The following NSUN4 variants were observed in gnomAD, a reference collection of about 807,000 sequenced individuals.
NSUN4 encodes 5-cytosine rRNA methyltransferase NSUN4.
Under a neutral mutation model 43.8 loss-of-function variants are expected in NSUN4, and 31 were observed. The ratio of observed to expected loss-of-function variants is 0.71; its 90% confidence interval spans 0.53 to 0.96. NSUN4 has a LOEUF of 0.96. Among genes scored for constraint, NSUN4 ranks in the 40% least tolerant of loss-of-function variants. The pLI is 0.00. For missense variants in NSUN4, 439 were observed against 475.6 expected, an observed-to-expected ratio of 0.92 and a Z score of 0.72; for synonymous variants, 167 against 184.1, an observed-to-expected ratio of 0.91 and a Z score of 0.75.
the NSUN4 span, among the ~76,000 whole-genome samples, chr1:46,378,594 C>T: frequency 4.6e-5 from 7 of 152,312 alleles, no homozygotes; most frequent in East Asian, 1.9e-4. Context: ...TGTAAGGCCT[C>T]GGTTACTTAT....
rs1379109815 is a variant in NSUN4, at chr1:46,355,746, G to A, written c.753+2718G>A. 2.0e-5 allele frequency among the ~76,000 whole-genome samples: 3 copies of A among 152,162 alleles called. No individual in the cohort carries two copies. In the East Asian group the frequency reaches 5.8e-4, roughly 29 times the overall value. On this transcript the variant is annotated intron_variant, in intron 4 of 5. Transcript: ENST00000474844. ...AAAACTAGTTGTGGCCGGGCACGGT[G>A]GCTAACGACTGTAATCCCAGCACTT...
Position 46,361,845 on chromosome 1 carries a change from A to G in NSUN4, c.1154A>G (p.Ter385TrpextTer70), listed in dbSNP as rs1012348234. The change falls in exon 6 of 6, where the codon TAG becomes TGG. Residue 385 changes from the stop codon to tryptophan, a stop_lost. Coordinates refer to ENST00000474844, the MANE Select transcript of NSUN4 (RefSeq NM_199044.4). ...TTCTGCAAAATGCGTAGGCTGACAT[A>G]GTATCACCCAATCCCTGAAGCAAGA... ...MYFCKMRRLT[*>W] The G allele has an allele frequency of 1.2e-6, 2 of 1,613,068 alleles. No homozygotes were observed. Among genetic ancestry groups the G allele is most frequent in the African/African-American group, 2.7e-5 (2 of 74,912 alleles).
intron 3 of NSUN4, among the ~76,000 whole-genome samples, chr1:46,351,136 C>T (rs1662946958): frequency 6.6e-6 from 1 of 151,224 alleles, no homozygotes; most frequent in Non-Finnish European, 1.5e-5. Flanking sequence ...GAGGCCGACG[C>T]AGGCAGATCA....
At chr1:46,371,357 G>A in the NSUN4 span, among the ~76,000 whole-genome samples, 2 of 144,406 alleles carry the variant, frequency 1.4e-5, no homozygotes, top group East Asian at 4.0e-4. Flanking sequence ...CCAAGCTGGA[G>A]TGCAGTGGTG....
intron 2 of NSUN4, 80 bp from the exon 3 acceptor site, chr1:46,346,841 G>T: frequency 8.5e-7 from 1 of 1,169,916 alleles, no homozygotes; most frequent in Non-Finnish European, 1.2e-6. Context: ...AAGCCCCAGA[G>T]GGCATAGACT....
chr1:46,360,628 G>T (rs1229885840), intron 4 of NSUN4, 76 bp from the exon 5 acceptor site: 18 of 1,502,972 alleles, frequency 1.2e-5, no homozygotes, highest in Non-Finnish European at 1.6e-5. Context: ...TAGGCCAGGG[G>T]CCTAAAACAT....
chr1:46,370,404 A>C, the NSUN4 span, among the ~76,000 whole-genome samples: 3 of 152,334 alleles, frequency 2.0e-5, no homozygotes, highest in East Asian at 5.8e-4. Context: ...GGGTATGATA[A>C]GCCTTAGGAC....
chr1:46,370,071 C>T (rs2148431551), downstream of NSUN4, among the ~76,000 whole-genome samples: 1 of 152,268 alleles, frequency 6.6e-6, no homozygotes. Context: ...TTTGAGGTGA[C>T]ACTTTAGGAG....
chr1:46,350,431 A>G (rs1326088115), intron 3 of NSUN4, among the ~76,000 whole-genome samples: 2 of 152,334 alleles, frequency 1.3e-5, no homozygotes, highest in East Asian at 1.9e-4. Flanking sequence ...AGTGACCACT[A>G]TTAGATAAGG....
the NSUN4 span, among the ~76,000 whole-genome samples, chr1:46,378,008 A>G: frequency 6.6e-6 from 1 of 152,202 alleles, no homozygotes; most frequent in Non-Finnish European, 1.5e-5. Context: ...TTTAATAACA[A>G]TTCTACAGTC....
chr1:46,376,181 G>A, the NSUN4 span, among the ~76,000 whole-genome samples: 1 of 151,632 alleles, frequency 6.6e-6, no homozygotes, highest in East Asian at 1.9e-4. Flanking sequence ...GCCGAGGTGG[G>A]TGGACCACCT....
chr1:46,360,249 A>AAAAATATAT (rs1553177947), intron 4 of NSUN4, among the ~76,000 whole-genome samples: 1 of 25,738 alleles, frequency 3.9e-5, no homozygotes, highest in African/African-American at 1.3e-4. Flanking sequence ...AAAAAAAAAA[A>AAAAATATAT]ATATATATAT....
At chr1:46,366,704 C>CAAAAAAAAAAAA (rs34437222), downstream of NSUN4, among the ~76,000 whole-genome samples, 78 of 59,144 alleles carry the variant, frequency 1.3e-3, no homozygotes, top group Admixed American at 3.0e-3. Flanking sequence ...ACTAAAAATA[C>CAAAAAAAAAAAA]AAAAAAAAAA....
downstream of NSUN4, among the ~76,000 whole-genome samples, chr1:46,366,704 C>CAAAA (rs34437222): frequency 4.5e-4 from 27 of 59,406 alleles, no homozygotes; most frequent in East Asian, 1.4e-3. Context: ...ACTAAAAATA[C>CAAAA]AAAAAAAAAA....
Position 46,362,395 on chromosome 1 carries a change from A to G in NSUN4, c.*549A>G, listed in dbSNP as rs1319132956. The stretch of plus-strand genomic sequence containing the variant: ...AAGGAACAAGTAACTAAAAATGTTA[A>G]GCCAGTGCAAAATAATCTGCTTACC... On this transcript the variant is annotated 3_prime_UTR_variant, in exon 6 of 6. Coordinates refer to ENST00000474844, the MANE Select transcript of NSUN4 (RefSeq NM_199044.4). 1.3e-5 allele frequency: 2 copies of G among 153,628 alleles called. No individual in the cohort carries two copies. The highest frequency in any genetic ancestry group is 2.4e-5 in the African/African-American group (1 of 41,458). The allele number at this position is 153,628 out of a possible 1,614,324, so 9.5% of individuals were successfully genotyped here. A position where few individuals can be genotyped will look rare whatever the true frequency, so the allele number is the denominator to read the frequency against.
chr1:46,378,588 A>T, the NSUN4 span, among the ~76,000 whole-genome samples: 2 of 152,216 alleles, frequency 1.3e-5, no homozygotes, highest in African/African-American at 2.4e-5. Flanking sequence ...GTTGTCTGTA[A>T]GGCCTCGGTT....
the NSUN4 span, among the ~76,000 whole-genome samples, chr1:46,376,005 C>T: frequency 1.4e-5 from 2 of 139,770 alleles, no homozygotes; most frequent in African/African-American, 5.4e-5. Context: ...ACTCGGGAGG[C>T]TGAGGCAGAA....
chr1:46,363,342 C>G lies in NSUN4; in HGVS notation c.*1496C>G, dbSNP rs1351016344. On this transcript the variant is annotated 3_prime_UTR_variant, in exon 6 of 6. Transcript: ENST00000474844. The stretch of plus-strand genomic sequence containing the variant: ...GCATATGGTCCCTGCATGCTGTTCA[C>G]TCTGTATAGTACTTAGTATTCGCTG... 1.3e-5 allele frequency: 2 copies of G among 152,228 alleles called. No homozygotes were observed. Among genetic ancestry groups the G allele is most frequent in the East Asian group, 3.9e-4 (2 of 5,192 alleles). 9.4% of individuals were successfully genotyped at this position (152,228 alleles called of 1,614,324 possible).
intron 3 of NSUN4, among the ~76,000 whole-genome samples, chr1:46,347,898 G>A (rs546687232): frequency 7.0e-6 from 1 of 143,130 alleles, no homozygotes; most frequent in South Asian, 2.2e-4. Context: ...TTTTTTTCGA[G>A]ATGGAGTCTC....
Sources: allele counts gnomAD v4.1 joint callset (sites outside exome capture counted in the v4.1 genomes callset), GRCh38; gene constraint gnomAD v4.1.1; transcripts MANE v1.5; gene names NCBI Gene and HGNC (gene_info 2026-07-23, HGNC 2026-07-21).